RDX: variants seen among roughly 807,000 people sequenced by gnomAD.
RDX encodes radixin.
In RDX, 32 loss-of-function variants were observed where a neutral mutation model predicts 83.7. The observed-to-expected ratio is 0.38, with a 90% confidence interval of 0.29 to 0.51. The LOEUF is 0.51. RDX is among the 20% of genes least tolerant of loss of function. The probability of loss-of-function intolerance (pLI) is 0.87; values close to 1 mark genes in which losing one functional copy is unlikely to be tolerated. For missense variants in RDX, 600 were observed against 689.9 expected (o/e 0.87, Z 1.46); for synonymous variants, 229 against 222.7 (o/e 1.03, Z -0.25).
chr11:110,209,638 T>C (rs965957195), intron 14 of RDX, among the ~76,000 whole-genome samples: 3 of 148,452 alleles, frequency 2.0e-5, no homozygotes, highest in Non-Finnish European at 3.0e-5. Context: ...CAGCTGGAGA[T>C]CTGAGAACGG....
chr11:110,182,151 G>GT (rs1862900317), intron 15 of RDX, among the ~76,000 whole-genome samples: 1 of 152,246 alleles, frequency 6.6e-6, no homozygotes, highest in Admixed American at 6.5e-5. Flanking sequence ...CTCTCAGCGA[G>GT]TGAGGACTAC....
At chr11:110,232,449 A>G (rs1864677068) in intron 13 of RDX, among the ~76,000 whole-genome samples, 1 of 152,152 alleles carries the variant, frequency 6.6e-6, no homozygotes. Context: ...AAAATATTAG[A>G]TAACTTATTG....
intron 1 of RDX, among the ~76,000 whole-genome samples, chr11:110,283,484 A>G (rs1199991541): frequency 6.6e-6 from 1 of 152,232 alleles, no homozygotes; most frequent in Non-Finnish European, 1.5e-5. Context: ...TGAAAAAAAC[A>G]GAATTATTCT....
chr11:110,189,243 T>TTAA (rs1491576666), intron 15 of RDX, among the ~76,000 whole-genome samples: 13 of 35,598 alleles, frequency 3.7e-4, no homozygotes, highest in Admixed American at 1.1e-3. Context: ...GAACAACAGG[T>TTAA]AAAAAAAAAA....
chr11:110,233,093 C>T, intron 13 of RDX, 144 bp downstream of exon 13: 1 of 956,458 alleles, frequency 1.0e-6, no homozygotes, highest in Non-Finnish European at 1.6e-6. Flanking sequence ...AATGAAATAA[C>T]ATGACTATAG....
intron 3 of RDX, among the ~76,000 whole-genome samples, chr11:110,267,285 G>A (rs144486694): frequency 1.1e-4 from 17 of 152,244 alleles, no homozygotes; most frequent in African/African-American, 4.1e-4. Context: ...GGCCAAGGCA[G>A]CTAGATCACT....
At chr11:110,281,322 ATTTT>A (rs754256440) in intron 1 of RDX, among the ~76,000 whole-genome samples, 1 of 143,226 alleles carries the variant, frequency 7.0e-6, no homozygotes, top group Admixed American at 7.0e-5. Flanking sequence ...TCCTCCTGAG[ATTTT>A]TTTTTTTTTT....
chr11:110,269,950 G>A (rs1321116030), intron 3 of RDX, among the ~76,000 whole-genome samples: 1 of 152,154 alleles, frequency 6.6e-6, no homozygotes, highest in Non-Finnish European at 1.5e-5. Context: ...GCTGAGGTGG[G>A]AGGATCGCTT....
At chr11:110,265,411 G>C (rs1234251368) in intron 3 of RDX, among the ~76,000 whole-genome samples, 1 of 151,712 alleles carries the variant, frequency 6.6e-6, no homozygotes, top group Non-Finnish European at 1.5e-5. Context: ...CAATTTTGTA[G>C]TGTCACTTCA....
intron 14 of RDX, among the ~76,000 whole-genome samples, chr11:110,217,988 TAATG>T (rs1864116730): frequency 6.6e-6 from 1 of 152,172 alleles, no homozygotes; most frequent in Non-Finnish European, 1.5e-5. Flanking sequence ...AATAAATGTT[TAATG>T]AATGAATAAC....
intron 3 of RDX, among the ~76,000 whole-genome samples, chr11:110,268,611 G>A (rs1490425254): frequency 1.3e-5 from 2 of 151,858 alleles, no homozygotes; most frequent in Non-Finnish European, 2.9e-5. Flanking sequence ...ACAATGGTAA[G>A]TAAAAGGGAG....
intron 14 of RDX, among the ~76,000 whole-genome samples, chr11:110,213,343 T>C (rs1275727228): frequency 3.0e-5 from 3 of 98,364 alleles, no homozygotes; most frequent in South Asian, 4.3e-4. Context: ...TAAAAGAGGA[T>C]ACAAACAAAT....
At chr11:110,254,237 T>A (rs751162001) in intron 8 of RDX, 128 bp from the exon 9 acceptor site, 1 of 765,668 alleles carries the variant, frequency 1.3e-6, no homozygotes, top group Non-Finnish European at 2.1e-6. Context: ...AAATAAGAAA[T>A]CATACAATTT....
chr11:110,190,070 C>T (rs962096261), intron 15 of RDX, among the ~76,000 whole-genome samples: 4 of 151,740 alleles, frequency 2.6e-5, no homozygotes, highest in South Asian at 2.1e-4. Context: ...GCAACAAGAG[C>T]GAAACTCCAT....
chr11:110,262,131 A>C (rs1242037149), intron 5 of RDX, among the ~76,000 whole-genome samples: 1 of 152,228 alleles, frequency 6.6e-6, no homozygotes, highest in African/African-American at 2.4e-5. Flanking sequence ...TCTAAGATGA[A>C]GAATCTTAGG....
chr11:110,179,835 T>A (rs1239671839), intron 15 of RDX: 8 of 405,524 alleles, frequency 2.0e-5, no homozygotes, highest in Non-Finnish European at 3.8e-5. Context: ...AGCTATGGAA[T>A]GCCTCAGCCT....
chr11:110,192,959 G>A lies in RDX; in HGVS notation c.*31+6622C>T, dbSNP rs141741777. On this transcript the variant is annotated intron_variant, in intron 15 of 15. Transcript: ENST00000528498. ...CAGCCACTGTGGAAAGCAGTTTGGA[G>A]ATTTCTCAAAGAACTTAAAACAGAA... is the stretch of plus-strand genomic sequence containing the variant. Among the ~76,000 whole-genome samples the A allele has an allele frequency of 5.0e-4, 76 of 152,268 alleles. 2 individuals carry two copies. In the East Asian group the frequency reaches 0.011, roughly 22 times the overall value.
At chr11:110,224,752 A>G (rs977245984), downstream of RDX, among the ~76,000 whole-genome samples, 5 of 152,232 alleles carry the variant, frequency 3.3e-5, no homozygotes, top group African/African-American at 1.2e-4. Flanking sequence ...CAAACATGAG[A>G]GCAAATTACA....
intron 15 of RDX, among the ~76,000 whole-genome samples, chr11:110,193,594 A>T (rs1489611237): frequency 2.0e-5 from 3 of 152,252 alleles, no homozygotes; most frequent in African/African-American, 7.2e-5. Flanking sequence ...CCATCTAATG[A>T]CCTTCCTCTT....
Sources: gnomAD v4.1 joint callset for allele counts (sites outside exome capture counted in the v4.1 genomes callset) on GRCh38, gnomAD v4.1.1 for gene constraint, MANE v1.5 for transcripts, NCBI Gene and HGNC (gene_info 2026-07-23, HGNC 2026-07-21) for gene names.